Variants in TNS3 observed in about 807,000 individuals in gnomAD.
TNS3 encodes the protein tensin-3.
A neutral mutation model predicts 140.9 loss-of-function variants in TNS3; 45 were observed. That is an observed-to-expected ratio of 0.32 (90% CI 0.25 to 0.41). The LOEUF is 0.41. Among genes scored for constraint, TNS3 ranks in the 10% least tolerant of loss-of-function variants. TNS3 has a pLI of 1.00. For synonymous variants in TNS3, 815 were observed against 788.4 expected (o/e 1.03, Z -0.56); for missense variants, 1,716 against 1,906.7 (o/e 0.90, Z 1.86).
At chr7:47,484,954 C>A (rs1797555664) in intron 3 of TNS3, among the ~76,000 whole-genome samples, 1 of 152,202 alleles carries the variant, frequency 6.6e-6, no homozygotes, top group Non-Finnish European at 1.5e-5. Context: ...ACATGCCAGT[C>A]TGACTTATTC....
At chr7:47,512,922 T>C (rs188282942) in intron 2 of TNS3, among the ~76,000 whole-genome samples, 23 of 152,306 alleles carry the variant, frequency 1.5e-4, no homozygotes, top group African/African-American at 5.3e-4. Flanking sequence ...TGAGTAGATC[T>C]GAACAAACCA....
rs539853599 is a variant in TNS3, at chr7:47,323,809, A to C, written c.2651-18806T>G. 3.3e-5 allele frequency among the ~76,000 whole-genome samples: 5 copies of C among 152,358 alleles called. 1 individual carries two copies. The East Asian group carries it at 9.6e-4, about 29-fold the overall frequency. ...TATACCAAGAGCGAGGACTAAAAAA[A>C]CTACAGGGAGGGATATACTCAAAAA... On this transcript the variant is annotated intron_variant, in intron 20 of 30. Transcript: ENST00000311160.
At chr7:47,384,354 G>T (rs1039504968) in intron 16 of TNS3, among the ~76,000 whole-genome samples, 1 of 152,180 alleles carries the variant, frequency 6.6e-6, no homozygotes. Context: ...ATTTCTCTCT[G>T]GAAACTGGTA....
chr7:47,353,211 T>C (rs937756486), intron 17 of TNS3, among the ~76,000 whole-genome samples: 2 of 152,144 alleles, frequency 1.3e-5, no homozygotes, highest in African/African-American at 4.8e-5. Flanking sequence ...AAGGATCAGG[T>C]CTTATTCAGC....
intron 7 of TNS3, among the ~76,000 whole-genome samples, chr7:47,436,123 A>C (rs571154850): frequency 1.3e-5 from 2 of 152,322 alleles, no homozygotes; most frequent in African/African-American, 4.8e-5. Context: ...AAATTTCAGA[A>C]AGTTGCCAGG....
chr7:47,508,863 G>C (rs979074205), intron 2 of TNS3, among the ~76,000 whole-genome samples: 3 of 152,158 alleles, frequency 2.0e-5, no homozygotes, highest in Non-Finnish European at 4.4e-5. Flanking sequence ...CCATGGAGAG[G>C]AACTGAGGCT....
chr7:47,399,245 T>C (rs2151335326), intron 15 of TNS3, among the ~76,000 whole-genome samples: 1 of 152,112 alleles, frequency 6.6e-6, no homozygotes, highest in Admixed American at 6.5e-5. Flanking sequence ...AAAACAACCA[T>C]ACTGTCCAAA....
intron 20 of TNS3, among the ~76,000 whole-genome samples, chr7:47,340,100 TA>T (rs1788886146): frequency 3.1e-5 from 1 of 32,292 alleles, no homozygotes; most frequent in Non-Finnish European, 8.0e-5. Flanking sequence ...TACATATATA[TA>T]TATATATATA....
At chr7:47,306,801 T>C (rs527612769) in intron 20 of TNS3, among the ~76,000 whole-genome samples, 2 of 152,282 alleles carry the variant, frequency 1.3e-5, no homozygotes, top group Non-Finnish European at 2.9e-5. Context: ...ATGGCTACGA[T>C]CTCCTGAACT....
chr7:47,414,019 C>T, intron 11 of TNS3, 22 bp from the exon 12 acceptor site: 1 of 1,613,196 alleles, frequency 6.2e-7, no homozygotes, highest in Non-Finnish European at 8.5e-7. Flanking sequence ...GCACAACTGT[C>T]TGTAGAGGCA....
chr7:47,352,123 A>T (rs917790329), intron 17 of TNS3, among the ~76,000 whole-genome samples: 1 of 148,180 alleles, frequency 6.7e-6, no homozygotes, highest in African/African-American at 2.5e-5. Context: ...TTAGTCTCTC[A>T]CACACTCTTA....
intron 4 of TNS3, among the ~76,000 whole-genome samples, chr7:47,466,892 T>C (rs1796740070): frequency 6.6e-6 from 1 of 152,232 alleles, no homozygotes; most frequent in Non-Finnish European, 1.5e-5. Context: ...CAAAGAACAG[T>C]TCCCAAAGGT....
At chr7:47,417,497 G>A (rs1340136268) in intron 10 of TNS3, among the ~76,000 whole-genome samples, 2 of 152,208 alleles carry the variant, frequency 1.3e-5, no homozygotes, top group Non-Finnish European at 2.9e-5. Context: ...CACTGCCTGG[G>A]ACCCAGGACT....
At chr7:47,373,085 G>A (rs2151174887) in intron 16 of TNS3, among the ~76,000 whole-genome samples, 1 of 152,258 alleles carries the variant, frequency 6.6e-6, no homozygotes, top group East Asian at 1.9e-4. Flanking sequence ...GGGGAGGGAA[G>A]GAGAAGGGGC....
At chr7:47,541,542 G>C (rs552946933) in intron 1 of TNS3, among the ~76,000 whole-genome samples, 2 of 152,212 alleles carry the variant, frequency 1.3e-5, no homozygotes, top group African/African-American at 4.8e-5. Context: ...GCCTGAAGAG[G>C]CTCCCACCAG....
intron 20 of TNS3, among the ~76,000 whole-genome samples, chr7:47,309,855 T>C (rs1786983714): frequency 6.6e-6 from 1 of 152,220 alleles, no homozygotes. Flanking sequence ...GTGCAGGAGT[T>C]AAACTTCCAC....
Position 47,277,713 on chromosome 7 carries a change from T to C in TNS3, c.*363A>G, listed in dbSNP as rs1388778639. On this transcript the variant is annotated 3_prime_UTR_variant, in exon 31 of 31. Transcript: ENST00000311160. Reference sequence around the variant, plus strand: ...GCACCTCTGCCTCAAGGGCTGGGGATTCCTCATCCCCCGGAATGCTAGTGT... The same window carrying C: ...GCACCTCTGCCTCAAGGGCTGGGGACTCCTCATCCCCCGGAATGCTAGTGT... 1.8e-5 allele frequency: 6 copies of C among 330,762 alleles called. No individual in the cohort carries two copies. Among genetic ancestry groups the C allele is most frequent in the African/African-American group, 1.3e-4 (6 of 46,334 alleles). 20.5% of individuals were successfully genotyped at this position (330,762 alleles called of 1,614,324 possible). A position where few individuals can be genotyped will look rare whatever the true frequency, so the allele number is the denominator to read the frequency against.
chr7:47,367,180 G>A (rs1273278946), intron 17 of TNS3, among the ~76,000 whole-genome samples: 1 of 152,170 alleles, frequency 6.6e-6, no homozygotes, highest in African/African-American at 2.4e-5. Flanking sequence ...AGGCACAGCC[G>A]CTACAGCCTG....
chr7:47,522,933 A>T (rs1438987292), intron 2 of TNS3, among the ~76,000 whole-genome samples: 13 of 151,998 alleles, frequency 8.6e-5, no homozygotes, highest in African/African-American at 3.1e-4. Flanking sequence ...ATCTCAAAAA[A>T]AAAAAGAGTT....
Sources: gnomAD v4.1 joint callset for allele counts (sites outside exome capture counted in the v4.1 genomes callset) on GRCh38, gnomAD v4.1.1 for gene constraint, MANE v1.5 for transcripts, NCBI Gene and HGNC (gene_info 2026-07-23, HGNC 2026-07-21) for gene names.